The following ALG1L2 variants were observed in gnomAD, a reference collection of about 807,000 sequenced individuals.
The protein encoded by ALG1L2 is ALG1 chitobiosyldiphosphodolichol beta-mannosyltransferase like 2.
In ALG1L2, 32 loss-of-function variants were observed where a neutral mutation model predicts 29.0. The ratio of observed to expected loss-of-function variants is 1.10; its 90% CI spans 0.83 to 1.48. ALG1L2 has a LOEUF of 1.48. Among genes scored for constraint, ALG1L2 ranks in the 40% most tolerant of loss-of-function variants. ALG1L2 has a pLI of 0.00. For synonymous variants in ALG1L2, 110 were observed against 109.5 expected (o/e 1.00, Z -0.03); for missense variants, 318 against 274.1 (o/e 1.16, Z -1.13).
chr3:130,089,610 C>T (rs1437509115), intron 1 of ALG1L2: 2 of 152,278 alleles, frequency 1.3e-5, no homozygotes, highest in African/African-American at 4.8e-5. Flanking sequence ...CATTTCACCC[C>T]TTTTACTTTT....
Position 130,093,094 on chromosome 3 carries a change from AAC to A in ALG1L2, c.254-3_254-2del, listed in dbSNP as rs1234148028. The A allele has an allele frequency of 2.5e-6, 4 of 1,602,358 alleles. No individual in the cohort carries two copies. The Admixed American group carries it at 5.2e-5, about 21-fold the overall frequency. ...CCATGTAGAATTGTTTCTTTTTTTA[AAC>A]ACAGAGTTTGAACAACTGACTCTTG... On this transcript the variant is annotated splice_region_variant and splice_polypyrimidine_tract_variant and intron_variant, in intron 3 of 7. Transcript: ENST00000425059.
At position 130,094,468 on chromosome 3, in the gene ALG1L2, G is replaced by T. The variant is rs761340025; in HGVS notation, c.379G>T (p.Val127Phe). The change falls in exon 5 of 8, where the codon GTC (valine) becomes TTC (phenylalanine). Residue 127 changes from valine to phenylalanine, a missense_variant. Physicochemically the swap from Val to Phe is conservative, Grantham distance 50. Coordinates refer to ENST00000425059, the MANE Select transcript of ALG1L2 (RefSeq NM_001136152.1). ...IHQKHFQHIQ[V>F]CIPWLEGRGL... The stretch of plus-strand genomic sequence containing the variant: ...CCAGAAGCATTTCCAGCACATCCAG[G>T]TCTGCATCCCCTGGCTGGAGGGCCG... 6.3e-7 allele frequency: 1 copy of T among 1,596,146 alleles called. No individual in the cohort carries two copies. Among genetic ancestry groups the T allele is most frequent in the South Asian group, 1.1e-5 (1 of 90,994 alleles).
rs13066399 is a variant in ALG1L2, at chr3:130,092,230, T to C, written c.253+8T>C. The C allele has an allele frequency of 0.65, 1,047,825 of 1,606,348 alleles. 348,905 individuals are homozygous for C. The highest frequency in any genetic ancestry group is 0.74 in the Middle Eastern group (3,471 of 4,696). The stretch of plus-strand genomic sequence containing the variant: ...GCAGCACAAGCTGGACAGGTCTGCA[T>C]GACCACTGGGGCACTTGGGGTTGGT... On this transcript the variant is annotated splice_region_variant and intron_variant, in intron 3 of 7. Coordinates refer to ENST00000425059, the MANE Select transcript of ALG1L2 (RefSeq NM_001136152.1).
chr3:130,092,309 C>T, intron 3 of ALG1L2, 87 bp downstream of exon 3: 2 of 1,588,234 alleles, frequency 1.3e-6, no homozygotes, highest in South Asian at 1.1e-5. Context: ...GTCCTGCATG[C>T]CCCAACCCCA....
At position 130,098,300 on chromosome 3, in the gene ALG1L2, C is replaced by T. The variant is rs557861272; in HGVS notation, c.*45C>T. On this transcript the variant is annotated 3_prime_UTR_variant, in exon 8 of 8. Coordinates refer to ENST00000425059, the MANE Select transcript of ALG1L2 (RefSeq NM_001136152.1). ...CAGTTCCGGAAGAACCTGCGGGAGT[C>T]GCAGCAGCTCTGATGGGATGAGAGC... is the stretch of plus-strand genomic sequence containing the variant. The T allele has an allele frequency of 2.2e-5, 35 of 1,596,448 alleles. 1 individual carries two copies. The East Asian group carries it at 3.1e-4, about 14-fold the overall frequency.
rs191831656 is a variant in ALG1L2 at position 130,092,186 on chromosome 3, C to T, written c.217C>T (p.Arg73Trp). ...CGGGCTGGTGACGCGTCTCCACGAG[C>T]GGCCAGCCCTGCTGGTCAGCAGCAC... ...GSGLVTRLHE[R>W]PALLVSSTSW... The change falls in exon 3 of 8, where the codon CGG becomes TGG. Residue 73 changes from arginine (R) to tryptophan (W), a missense_variant. Transcript: ENST00000425059. The T allele has an allele frequency of 3.7e-4, 592 of 1,612,230 alleles. 11 individuals are homozygous for T. The East Asian group carries it at 0.011, about 29-fold the overall frequency.
chr3:130,096,228 G>A (rs1935131451), intron 6 of ALG1L2, 65 bp downstream of exon 6: 5 of 1,567,702 alleles, frequency 3.2e-6, no homozygotes, highest in South Asian at 2.3e-5. Flanking sequence ...GGGGGAAGCA[G>A]TGCAGAGTGA....
chr3:130,082,602 T>G (rs2108112470), intron 1 of ALG1L2, among the ~76,000 whole-genome samples: 1 of 135,466 alleles, frequency 7.4e-6, no homozygotes, highest in South Asian at 2.3e-4. Context: ...CCTCCCAAAG[T>G]GCTGAGATTA....
chr3:130,084,466 AC>A (rs1934849422), intron 1 of ALG1L2, among the ~76,000 whole-genome samples: 1 of 141,420 alleles, frequency 7.1e-6, no homozygotes, highest in Non-Finnish European at 1.6e-5. Context: ...ATCTCAAGTG[AC>A]CATGAGCAAA....
chr3:130,084,281 G>A (rs1312460677), intron 1 of ALG1L2, among the ~76,000 whole-genome samples: 1 of 140,038 alleles, frequency 7.1e-6, no homozygotes, highest in Non-Finnish European at 1.6e-5. Context: ...AACATAGCGA[G>A]ACCCCATTTC....
intron 1 of ALG1L2, among the ~76,000 whole-genome samples, chr3:130,083,930 C>A (rs112758312): frequency 1.3e-5 from 2 of 151,316 alleles, no homozygotes; most frequent in African/African-American, 4.8e-5. Flanking sequence ...AGGATTTAGG[C>A]ATGGCTGCAG....
intron 5 of ALG1L2, among the ~76,000 whole-genome samples, chr3:130,095,290 C>T (rs1367703533): frequency 6.6e-6 from 1 of 152,080 alleles, no homozygotes; most frequent in Non-Finnish European, 1.5e-5. Flanking sequence ...CTTGGCCTCC[C>T]TAAGTGCTGG....
intron 7 of ALG1L2, among the ~76,000 whole-genome samples, chr3:130,097,924 A>G (rs1559789791): frequency 6.6e-6 from 1 of 152,238 alleles, no homozygotes; most frequent in African/African-American, 2.4e-5. Flanking sequence ...TTACCCACAG[A>G]TGGGTGGGAC....
At chr3:130,094,537 G>A in intron 5 of ALG1L2, 24 bp downstream of exon 5, 1 of 1,581,154 alleles carries the variant, frequency 6.3e-7, no homozygotes, top group African/African-American at 1.3e-5. Context: ...AGGAGGCTCA[G>A]GGAGGAGGCG....
rs1577331215 is a variant in ALG1L2, at chr3:130,097,205, C to T, written c.570C>T (p.Asn190=). 6.2e-7 allele frequency: 1 copy of T among 1,611,824 alleles called. No homozygotes were observed. The highest frequency in any genetic ancestry group is 8.5e-7 in the Non-Finnish European group (1 of 1,179,854). The part of the protein sequence containing the change: ...CLHELVKHEE[N]RLVFEDSEEL... ...ATGAGCTGGTGAAACATGAAGAAAA[C>T]CGCCTGGTCTTTGAGGACTCAGAGG... is the stretch of plus-strand genomic sequence containing the variant. The change falls in exon 7 of 8, where the codon AAC becomes AAT. Residue 190 remains asparagine (N), a synonymous_variant. Transcript: ENST00000425059.
intron 1 of ALG1L2, among the ~76,000 whole-genome samples, chr3:130,087,863 C>T (rs1253802373): frequency 3.7e-5 from 3 of 81,818 alleles, no homozygotes; most frequent in Non-Finnish European, 3.2e-5. Context: ...AGTGCCCAGG[C>T]CCCAACCCAG....
At chr3:130,091,447 G>C (rs1935011650) in intron 2 of ALG1L2, 76 bp downstream of exon 2, 1 of 1,450,300 alleles carries the variant, frequency 6.9e-7, no homozygotes, top group African/African-American at 1.4e-5. Flanking sequence ...CTGCAGACCT[G>C]GGAACCCACT....
At chr3:130,090,346 C>A (rs1307631851) in intron 1 of ALG1L2, among the ~76,000 whole-genome samples, 1 of 152,306 alleles carries the variant, frequency 6.6e-6, no homozygotes, top group Non-Finnish European at 1.5e-5. Context: ...CAGAGGGAGA[C>A]CCTGTCTCAA....
chr3:130,089,687 T>C (rs1297847563), intron 1 of ALG1L2, among the ~76,000 whole-genome samples: 1 of 152,296 alleles, frequency 6.6e-6, no homozygotes, highest in Non-Finnish European at 1.5e-5. Flanking sequence ...ATTGGACAGC[T>C]CTGTTCTAAA....
Sources: allele counts gnomAD v4.1 joint callset (sites outside exome capture counted in the v4.1 genomes callset), GRCh38; gene constraint gnomAD v4.1.1; transcripts MANE v1.5; gene names NCBI Gene and HGNC (gene_info 2026-07-23, HGNC 2026-07-21).